Variants in COL24A1 observed in about 807,000 individuals in gnomAD.
The protein encoded by COL24A1 is collagen type XXIV alpha 1 chain, also known as collagen alpha-1(XXIV) chain.
COL24A1 carries 224 observed loss-of-function variants against 253.9 expected under a neutral mutation model. The ratio of observed to expected loss-of-function variants is 0.88; its 90% CI spans 0.79 to 0.99. The LOEUF (loss-of-function observed/expected upper bound fraction) is 0.99, where lower values mean the gene tolerates loss of function less well. Ranked by LOEUF, COL24A1 falls within the 50% of genes least tolerant of loss-of-function variation. The pLI is 0.00. For synonymous variants in COL24A1, 685 were observed against 673.7 expected, an observed-to-expected ratio of 1.02 and a Z score of -0.26; for missense variants, 2,131 against 2,068.5, an observed-to-expected ratio of 1.03 and a Z score of -0.59.
rs540224345 is a variant in COL24A1 at position 85,912,587 on chromosome 1, CTCTA to C, written c.2563-1158_2563-1155del. Among the ~76,000 whole-genome samples, 169 of 152,276 alleles carry C rather than the reference CTCTA, an allele frequency of 1.1e-3. 1 individual carries two copies. The highest frequency in any genetic ancestry group is 3.7e-3 in the African/African-American group (153 of 41,560). On this transcript the variant is annotated intron_variant, in intron 24 of 59. Transcript: ENST00000370571. Reference sequence around the variant, plus strand: ...TGAGCATGATTTTACCCTTACAGATCTCTATCTATCTAATGATCCCATATATATA... The same window carrying C: ...TGAGCATGATTTTACCCTTACAGATCTCTATCTAATGATCCCATATATATA...
intron 5 of COL24A1, among the ~76,000 whole-genome samples, chr1:86,092,581 G>A (rs1001318928): frequency 2.4e-4 from 37 of 151,650 alleles, no homozygotes; most frequent in African/African-American, 8.7e-4. Flanking sequence ...TACTACTATT[G>A]AAACATTTTT....
chr1:85,961,275 C>A lies in COL24A1; in HGVS notation c.2536G>T (p.Gly846Ter). 1 of 1,604,524 alleles carries A rather than the reference C, an allele frequency of 6.2e-7. No individual in the cohort carries two copies. Among genetic ancestry groups the A allele is most frequent in the Non-Finnish European group, 8.5e-7 (1 of 1,172,746 alleles). The change falls in exon 24 of 60, where the codon GGA (glycine) becomes TGA (stop). Residue 846 changes from glycine (G) to a stop codon, truncating the protein, a stop_gained. Transcript: ENST00000370571. LOFTEE classifies it high-confidence loss of function. The part of the protein sequence containing the change: ...EGLKGEVGDQ[G>*]NIGKIGETGP... ...GTTTCACCAATTTTTCCAATATTTCCTTGATCTCCTACTTCTCCCTGTCAA... is the reference window on the plus strand; with the variant it reads ...GTTTCACCAATTTTTCCAATATTTCATTGATCTCCTACTTCTCCCTGTCAA...
chr1:85,893,360 G>C (rs573207880), intron 31 of COL24A1, among the ~76,000 whole-genome samples: 1 of 151,864 alleles, frequency 6.6e-6, no homozygotes, highest in African/African-American at 2.4e-5. Context: ...ACTTACAATA[G>C]AATTTAAAAA....
At chr1:85,841,127 GA>G (rs1476115359) in intron 42 of COL24A1, 94 bp downstream of exon 42, 28 of 894,274 alleles carry the variant, frequency 3.1e-5, no homozygotes, top group Non-Finnish European at 4.6e-5. Context: ...ACTAACAAAA[GA>G]AAACTCCTTG....
chr1:85,755,030 C>T (rs381453), intron 55 of COL24A1, among the ~76,000 whole-genome samples: 2 of 152,216 alleles, frequency 1.3e-5, no homozygotes, highest in South Asian at 4.1e-4. Flanking sequence ...ATGCTATAGA[C>T]AAAGAGAGAA....
intron 47 of COL24A1, among the ~76,000 whole-genome samples, chr1:85,802,296 T>C (rs1461723548): frequency 6.6e-6 from 1 of 152,210 alleles, no homozygotes; most frequent in African/African-American, 2.4e-5. Context: ...GTGGTCATTG[T>C]ATACCTCAAC....
chr1:85,894,545 CA>C (rs1178598733), intron 31 of COL24A1, among the ~76,000 whole-genome samples: 5 of 64,334 alleles, frequency 7.8e-5, no homozygotes, highest in Non-Finnish European at 1.6e-4. Context: ...CTCTGGGTCT[CA>C]TTTTTTTTTT....
In COL24A1 at chr1:86,028,017, T is replaced by A. The variant is rs370366903; in HGVS notation, c.2049+3861A>T. ...ATGACTGCCCTACTTGATTTTGGAT[T>A]TTCATGGAGCCTGTAGCCCCTTTGT... On this transcript the variant is annotated intron_variant, in intron 14 of 59. Transcript: ENST00000370571. Among the ~76,000 whole-genome samples the A allele has an allele frequency of 1.2e-4, 19 of 152,286 alleles. No homozygotes were observed. In the South Asian group the frequency reaches 3.9e-3, roughly 32 times the overall value.
At chr1:85,845,474 C>G (rs1261843546) in intron 39 of COL24A1, among the ~76,000 whole-genome samples, 2 of 151,776 alleles carry the variant, frequency 1.3e-5, no homozygotes, top group Admixed American at 1.3e-4. Flanking sequence ...ATATTATAAG[C>G]ATTAGAAGCA....
chr1:85,961,961 T>A (rs1271195978), intron 23 of COL24A1, among the ~76,000 whole-genome samples: 1 of 152,120 alleles, frequency 6.6e-6, no homozygotes, highest in East Asian at 1.9e-4. Context: ...CCAAACCATA[T>A]CAGGTAATAA....
chr1:86,138,442 A>G (rs1435940253), intron 2 of COL24A1, among the ~76,000 whole-genome samples: 4 of 151,958 alleles, frequency 2.6e-5, no homozygotes, highest in African/African-American at 9.7e-5. Context: ...GAATTCCCAC[A>G]TGTTGTGGGA....
At chr1:85,733,101 T>C (rs1281348541) in intron 59 of COL24A1, among the ~76,000 whole-genome samples, 1 of 152,204 alleles carries the variant, frequency 6.6e-6, no homozygotes, top group African/African-American at 2.4e-5. Flanking sequence ...TCTTCAAATA[T>C]AGATAATAAA....
intron 20 of COL24A1, among the ~76,000 whole-genome samples, chr1:85,976,571 G>T (rs910356169): frequency 6.6e-6 from 1 of 152,066 alleles, no homozygotes; most frequent in African/African-American, 2.4e-5. Flanking sequence ...AATCACAAAA[G>T]ACATAAACTC....
intron 19 of COL24A1, among the ~76,000 whole-genome samples, chr1:86,010,033 T>C (rs775468107): frequency 2.0e-5 from 3 of 152,060 alleles, no homozygotes; most frequent in Admixed American, 6.6e-5. Context: ...TGAAATGAAA[T>C]ACATAAATCA....
chr1:86,053,649 T>C (rs1031835248), intron 10 of COL24A1, among the ~76,000 whole-genome samples: 2 of 151,988 alleles, frequency 1.3e-5, no homozygotes, highest in Non-Finnish European at 2.9e-5. Flanking sequence ...CACCAGAAGG[T>C]CGGGAGAGGT....
Position 86,014,045 on chromosome 1 carries a change from T to A in COL24A1, c.2310+3106A>T, listed in dbSNP as rs751641458. ...ACTATCCTATCTGACCTCTTTCAAC[T>A]TCTTTCTTCTTTTGAAACAAATCCC... On this transcript the variant is annotated intron_variant, in intron 19 of 59. Transcript: ENST00000370571. Among the ~76,000 whole-genome samples, 3 of 152,204 alleles carry A rather than the reference T, an allele frequency of 2.0e-5. No individual in the cohort carries two copies. The South Asian group carries it at 6.2e-4, about 31-fold the overall frequency.
At chr1:86,101,001 G>A (rs1463604485) in intron 5 of COL24A1, among the ~76,000 whole-genome samples, 1 of 151,998 alleles carries the variant, frequency 6.6e-6, no homozygotes, top group Non-Finnish European at 1.5e-5. Flanking sequence ...TGAGAGGATG[G>A]GTCATGGGAA....
intron 43 of COL24A1, among the ~76,000 whole-genome samples, chr1:85,826,876 G>A (rs571406332): frequency 1.3e-5 from 2 of 152,274 alleles, no homozygotes; most frequent in Non-Finnish European, 2.9e-5. Flanking sequence ...TGCAAAGAGG[G>A]ACAATTTGAC....
In COL24A1 at chr1:85,737,526, ATAAAGT is replaced by A. The variant is rs572123252; in HGVS notation, c.4673-27_4673-22del. The A allele has an allele frequency of 1.5e-4, 231 of 1,502,086 alleles. No homozygotes were observed. In the African/African-American group the frequency reaches 2.4e-3, roughly 16 times the overall value. 93.0% of individuals were successfully genotyped at this position (1,502,086 alleles called of 1,614,324 possible). ...TTTTCCTAATAATTTATAGTAAAAC[ATAAAGT>A]TAAAGTTATTAAATGCCATAATCCT... On this transcript the variant is annotated intron_variant, in intron 57 of 59. Coordinates refer to ENST00000370571, the MANE Select transcript of COL24A1 (RefSeq NM_152890.7).
Sources: gnomAD v4.1 joint callset for allele counts (sites outside exome capture counted in the v4.1 genomes callset) on GRCh38, gnomAD v4.1.1 for gene constraint, MANE v1.5 for transcripts, NCBI Gene and HGNC (gene_info 2026-07-23, HGNC 2026-07-21) for gene names.